The following SPATA13 variants were observed in gnomAD, a reference collection of about 807,000 sequenced individuals.
The protein encoded by SPATA13 is spermatogenesis associated 13, also known as spermatogenesis-associated protein 13.
SPATA13 carries 50 observed loss-of-function variants against 104.0 expected under a neutral mutation model. That is an observed-to-expected ratio of 0.48 (90% confidence interval 0.38 to 0.61). The LOEUF (loss-of-function observed/expected upper bound fraction) is 0.61, where lower values mean the gene tolerates loss of function less well. SPATA13 is among the 20% of genes least tolerant of loss of function. SPATA13 has a pLI of 0.00. For synonymous variants in SPATA13, 606 were observed against 667.5 expected (o/e 0.91, Z 1.42); for missense variants, 1,524 against 1,690.6 (o/e 0.90, Z 1.73).
intron 3 of SPATA13, among the ~76,000 whole-genome samples, chr13:24,084,985 TG>T (rs1879670894): frequency 6.6e-6 from 1 of 152,220 alleles, no homozygotes; most frequent in South Asian, 2.1e-4. Flanking sequence ...AATCATAAGA[TG>T]CTAGGGGCAA....
intron 3 of SPATA13, among the ~76,000 whole-genome samples, chr13:24,147,194 T>C (rs1396385194): frequency 2.6e-5 from 4 of 152,182 alleles, no homozygotes; most frequent in Admixed American, 6.5e-5. Flanking sequence ...CTCTGATTAA[T>C]TGGCCTGGTG....
At chr13:24,002,449 C>T (rs1220609166) in intron 2 of SPATA13, among the ~76,000 whole-genome samples, 1 of 152,128 alleles carries the variant, frequency 6.6e-6, no homozygotes. Flanking sequence ...GACAGAGTGA[C>T]ACACTCTGGG....
rs184589985 is a variant in SPATA13 at position 24,202,467 on chromosome 13, C to G, written c.-111-20352C>G. 1.3e-5 allele frequency among the ~76,000 whole-genome samples: 2 copies of G among 151,326 alleles called. 1 individual carries two copies. The highest frequency in any genetic ancestry group is 1.3e-4 in the Admixed American group (2 of 15,226). On this transcript the variant is annotated intron_variant, in intron 1 of 12. Coordinates refer to ENST00000382108, the MANE Select transcript of SPATA13 (RefSeq NM_001166271.3). Reference sequence around the variant, plus strand: ...ACGAGTGTGTGCTTGGGCGCTTTCTCCAGGTTGGATGCCAGTGTTGGCCTC... The same window carrying G: ...ACGAGTGTGTGCTTGGGCGCTTTCTGCAGGTTGGATGCCAGTGTTGGCCTC...
At chr13:24,178,440 A>G (rs373812815) in intron 1 of SPATA13, among the ~76,000 whole-genome samples, 3 of 152,280 alleles carry the variant, frequency 2.0e-5, no homozygotes, top group African/African-American at 7.2e-5. Context: ...ATCTTATGAC[A>G]TCACTTGTAT....
At chr13:24,245,269 A>T (rs1231495045) in intron 2 of SPATA13, among the ~76,000 whole-genome samples, 1 of 151,558 alleles carries the variant, frequency 6.6e-6, no homozygotes, top group African/African-American at 2.4e-5. Flanking sequence ...TTTCAGAAGT[A>T]CATAAACTTT....
intron 3 of SPATA13, among the ~76,000 whole-genome samples, chr13:24,133,829 A>G (rs541371404): frequency 6.6e-6 from 1 of 152,338 alleles, no homozygotes; most frequent in South Asian, 2.1e-4. Context: ...GCAAGGGGAC[A>G]GGGCAAACAA....
chr13:24,119,705 C>T (rs1001179288), intron 3 of SPATA13, among the ~76,000 whole-genome samples: 3 of 152,142 alleles, frequency 2.0e-5, no homozygotes, highest in East Asian at 1.9e-4. Flanking sequence ...GAACTCCTTG[C>T]GGTGAGGGTC....
At chr13:24,044,067 C>T (rs1304579437) in intron 3 of SPATA13, among the ~76,000 whole-genome samples, 2 of 152,104 alleles carry the variant, frequency 1.3e-5, no homozygotes, top group Non-Finnish European at 2.9e-5. Context: ...TCTGTTTCTT[C>T]CATGTTGAGA....
intron 3 of SPATA13, among the ~76,000 whole-genome samples, chr13:24,120,066 C>T (rs1880985152): frequency 6.6e-6 from 1 of 152,126 alleles, no homozygotes; most frequent in South Asian, 2.1e-4. Context: ...GTTTATTTCT[C>T]TGTCTTTGGG....
intron 3 of SPATA13, among the ~76,000 whole-genome samples, chr13:24,053,114 T>C (rs1878419869): frequency 6.6e-6 from 1 of 152,040 alleles, no homozygotes; most frequent in African/African-American, 2.4e-5. Context: ...CAAACTTGTT[T>C]TTCTCCGTGA....
intron 3 of SPATA13, among the ~76,000 whole-genome samples, chr13:24,018,280 T>A (rs1445275910): frequency 6.6e-6 from 1 of 152,190 alleles, no homozygotes; most frequent in African/African-American, 2.4e-5. Context: ...TACAAACCAC[T>A]TCATAGTTGT....
At chr13:24,023,030 G>A (rs530450984) in intron 3 of SPATA13, among the ~76,000 whole-genome samples, 1 of 151,988 alleles carries the variant, frequency 6.6e-6, no homozygotes, top group Non-Finnish European at 1.5e-5. Flanking sequence ...ATGCTGGCCC[G>A]CTGCATCCTT....
chr13:24,182,701 A>G (rs1212460021), intron 1 of SPATA13, among the ~76,000 whole-genome samples: 4 of 152,156 alleles, frequency 2.6e-5, no homozygotes, highest in Non-Finnish European at 5.9e-5. Flanking sequence ...GAGGACAAAC[A>G]TCTAGACCAT....
intron 8 of SPATA13, among the ~76,000 whole-genome samples, chr13:24,290,146 C>T (rs1268491091): frequency 1.3e-5 from 2 of 152,142 alleles, no homozygotes; most frequent in East Asian, 1.9e-4. Flanking sequence ...AGTACTGCTG[C>T]CACCAGGGAA....
intron 3 of SPATA13, among the ~76,000 whole-genome samples, chr13:24,126,173 T>C (rs78327521): frequency 2.0e-5 from 3 of 152,288 alleles, no homozygotes; most frequent in Non-Finnish European, 4.4e-5. Context: ...CCTCACTTGC[T>C]ACAGGGACTT....
chr13:24,047,370 G>A (rs1342029509), intron 3 of SPATA13, among the ~76,000 whole-genome samples: 1 of 152,220 alleles, frequency 6.6e-6, no homozygotes, highest in Admixed American at 6.5e-5. Flanking sequence ...CATGTTAGTA[G>A]AATTCAGACC....
intron 4 of SPATA13, among the ~76,000 whole-genome samples, chr13:24,277,215 C>T (rs368505669): frequency 2.0e-5 from 3 of 151,898 alleles, no homozygotes; most frequent in Non-Finnish European, 2.9e-5. Context: ...GAGGCCGAGG[C>T]GGGCGGATCA....
intron 3 of SPATA13, among the ~76,000 whole-genome samples, chr13:24,041,271 G>A (rs181386244): frequency 5.3e-5 from 8 of 152,324 alleles, no homozygotes; most frequent in African/African-American, 1.9e-4. Flanking sequence ...TGTTATATAA[G>A]TTATTTGGAT....
chr13:24,235,974 C>T (rs1872542423), intron 2 of SPATA13, among the ~76,000 whole-genome samples: 1 of 152,172 alleles, frequency 6.6e-6, no homozygotes, highest in Non-Finnish European at 1.5e-5. Context: ...TCAGTTTTCA[C>T]AGCCACTTGT....
Sources: allele counts gnomAD v4.1 joint callset (sites outside exome capture counted in the v4.1 genomes callset), GRCh38; gene constraint gnomAD v4.1.1; transcripts MANE v1.5; gene names NCBI Gene and HGNC (gene_info 2026-07-23, HGNC 2026-07-21).